LRBA: variants seen among roughly 807,000 people sequenced by gnomAD.
LRBA encodes lipopolysaccharide-responsive and beige-like anchor protein.
LRBA carries 176 observed loss-of-function variants against 330.0 expected under a neutral mutation model. The observed-to-expected ratio is 0.53, with a 90% CI of 0.47 to 0.60. LRBA has a LOEUF of 0.60. LRBA is among the 20% of genes least tolerant of loss of function. The probability of loss-of-function intolerance (pLI) is 0.00; values close to 1 mark genes in which losing one functional copy is unlikely to be tolerated. For missense variants in LRBA, 3,259 were observed against 3,444.8 expected (o/e 0.95, Z 1.35); for synonymous variants, 1,230 against 1,193.0 (o/e 1.03, Z -0.64).
intron 36 of LRBA, among the ~76,000 whole-genome samples, chr4:150,711,824 T>C (rs555264795): frequency 8.9e-4 from 135 of 152,304 alleles, no homozygotes; most frequent in Non-Finnish European, 1.6e-3. Flanking sequence ...GTAAAAATTA[T>C]TTGTGCAATG....
intron 34 of LRBA, among the ~76,000 whole-genome samples, chr4:150,792,203 T>TAA (rs397879893): frequency 1.7e-4 from 24 of 139,148 alleles, no homozygotes; most frequent in Admixed American, 3.6e-4. Flanking sequence ...AAGTTTTAGT[T>TAA]AAAAAAAAAA....
intron 36 of LRBA, among the ~76,000 whole-genome samples, chr4:150,703,470 T>C (rs1188797856): frequency 9.2e-5 from 14 of 152,182 alleles, no homozygotes; most frequent in Non-Finnish European, 1.8e-4. Context: ...CTTCCTATGT[T>C]CCAAGCCTAT....
intron 53 of LRBA, among the ~76,000 whole-genome samples, chr4:150,298,730 T>A (rs1729277805): frequency 6.6e-6 from 1 of 152,034 alleles, no homozygotes; most frequent in Non-Finnish European, 1.5e-5. Context: ...TGACATAGAT[T>A]AGCATGTCTG....
chr4:150,570,335 T>G (rs922817173), intron 40 of LRBA, among the ~76,000 whole-genome samples: 1 of 152,102 alleles, frequency 6.6e-6, no homozygotes, highest in South Asian at 2.1e-4. Flanking sequence ...GTAGGCTGCA[T>G]GAACAATCAT....
chr4:150,335,001 T>C (rs944029051), intron 48 of LRBA, among the ~76,000 whole-genome samples: 14 of 151,926 alleles, frequency 9.2e-5, no homozygotes, highest in Admixed American at 1.3e-4. Context: ...GGCTAAATTT[T>C]GTATTTTTAG....
chr4:150,517,778 A>G (rs1370453591), intron 40 of LRBA, among the ~76,000 whole-genome samples: 2 of 152,184 alleles, frequency 1.3e-5, no homozygotes, highest in East Asian at 1.9e-4. Context: ...GAATTCCCTT[A>G]TCCACTCAGA....
At chr4:150,332,540 T>C (rs1225870856) in intron 48 of LRBA, among the ~76,000 whole-genome samples, 5 of 152,200 alleles carry the variant, frequency 3.3e-5, no homozygotes, top group African/African-American at 1.2e-4. Context: ...GCTCAGTAAA[T>C]ATTTACCCAG....
At chr4:150,827,871 G>A (rs1746499927) in intron 30 of LRBA, among the ~76,000 whole-genome samples, 1 of 151,948 alleles carries the variant, frequency 6.6e-6, no homozygotes, top group South Asian at 2.1e-4. Context: ...CAAAATGCTG[G>A]GATTACAGAT....
At chr4:150,921,394 C>T (rs1283655052) in intron 4 of LRBA, 101 bp from the exon 5 acceptor site, 2 of 714,670 alleles carry the variant, frequency 2.8e-6, no homozygotes, top group Non-Finnish European at 2.5e-6. Flanking sequence ...AGGAATAATG[C>T]TATAAGGTTA....
chr4:150,729,871 G>A (rs1269000877), intron 36 of LRBA, among the ~76,000 whole-genome samples: 8 of 152,096 alleles, frequency 5.3e-5, no homozygotes, highest in Non-Finnish European at 1.0e-4. Flanking sequence ...TTCAACAAAG[G>A]TGCCAAGAAC....
intron 37 of LRBA, among the ~76,000 whole-genome samples, chr4:150,649,690 C>T (rs1360291347): frequency 1.3e-5 from 2 of 152,128 alleles, no homozygotes; most frequent in Non-Finnish European, 1.5e-5. Context: ...CTATTACTTA[C>T]TAAGCATTAA....
chr4:150,961,245 A>T (rs1738112826), intron 2 of LRBA, among the ~76,000 whole-genome samples: 1 of 149,448 alleles, frequency 6.7e-6, no homozygotes, highest in South Asian at 2.1e-4. Context: ...CATATTCACA[A>T]ATGCATTCTT....
At chr4:150,951,466 G>A (rs1182458479) in intron 2 of LRBA, among the ~76,000 whole-genome samples, 2 of 151,942 alleles carry the variant, frequency 1.3e-5, no homozygotes, top group East Asian at 3.9e-4. Flanking sequence ...AAAGATCAGA[G>A]ATCAGAATGT....
At chr4:150,491,408 T>C (rs1004727166) in intron 40 of LRBA, among the ~76,000 whole-genome samples, 18 of 152,104 alleles carry the variant, frequency 1.2e-4, no homozygotes, top group Non-Finnish European at 1.6e-4. Context: ...GAATGTCATA[T>C]ATGCTTATAA....
At chr4:150,872,241 A>G (rs1579058717) in intron 18 of LRBA, among the ~76,000 whole-genome samples, 1 of 152,360 alleles carries the variant, frequency 6.6e-6, no homozygotes, top group East Asian at 1.9e-4. Context: ...GAGGTAGAAC[A>G]TGAATATCTG....
intron 48 of LRBA, among the ~76,000 whole-genome samples, chr4:150,343,531 C>A (rs972938918): frequency 1.5e-4 from 23 of 152,218 alleles, no homozygotes; most frequent in African/African-American, 5.5e-4. Flanking sequence ...GATAAACTTT[C>A]CCAGTTTATC....
At chr4:150,304,951 T>C (rs1730169001) in intron 52 of LRBA, among the ~76,000 whole-genome samples, 4 of 152,206 alleles carry the variant, frequency 2.6e-5, no homozygotes, top group Admixed American at 2.0e-4. Context: ...GATGTGATCA[T>C]AGAGTATATA....
chr4:150,527,024 T>TC (rs1763551451), intron 40 of LRBA, among the ~76,000 whole-genome samples: 1 of 151,924 alleles, frequency 6.6e-6, no homozygotes, highest in Non-Finnish European at 1.5e-5. Context: ...TTTTTTTTTT[T>TC]TTAAAGAAAC....
In LRBA at chr4:150,672,287, AACCAAC is replaced by A. The variant is rs1782131442; in HGVS notation, c.5921+11258_5921+11263del. ...ATTCTAATAGACAGCTATAGTTCAG[AACCAAC>A]ACATCAGTAGTAAACATTGACAAGA... On this transcript the variant is annotated intron_variant, in intron 37 of 56. Coordinates refer to ENST00000651943, the MANE Select transcript of LRBA (RefSeq NM_001364905.1). 4.6e-5 allele frequency among the ~76,000 whole-genome samples: 7 copies of A among 152,180 alleles called. No homozygotes were observed. In the South Asian group the frequency reaches 1.4e-3, roughly 32 times the overall value.
Sources: gnomAD v4.1 joint callset for allele counts (sites outside exome capture counted in the v4.1 genomes callset) on GRCh38, gnomAD v4.1.1 for gene constraint, MANE v1.5 for transcripts, NCBI Gene and HGNC (gene_info 2026-07-23, HGNC 2026-07-21) for gene names.